Variants in RBM18 observed in about 807,000 individuals in gnomAD.
RBM18 encodes RNA binding motif protein 18, also known as probable RNA-binding protein 18.
A neutral mutation model predicts 26.4 loss-of-function variants in RBM18; 18 were observed. The ratio of observed to expected loss-of-function variants is 0.68; its 90% CI spans 0.47 to 1.01. RBM18 has a LOEUF of 1.01. Among genes scored for constraint, RBM18 ranks in the 50% least tolerant of loss-of-function variants. The pLI, the probability that RBM18 is intolerant of heterozygous loss-of-function variation, is 0.00. For missense variants in RBM18, 180 were observed against 219.2 expected (o/e 0.82, Z 1.13); for synonymous variants, 74 against 81.1 (o/e 0.91, Z 0.47).
intron 2 of RBM18, among the ~76,000 whole-genome samples, chr9:122,256,544 G>A (rs1453378195): frequency 1.3e-5 from 2 of 152,198 alleles, no homozygotes; most frequent in Non-Finnish European, 2.9e-5. Context: ...CTTTGTGGAT[G>A]GCACTTATAA....
At chr9:122,248,988 T>G (rs1831552518) in intron 3 of RBM18, among the ~76,000 whole-genome samples, 2 of 152,184 alleles carry the variant, frequency 1.3e-5, no homozygotes, top group Admixed American at 1.3e-4. Flanking sequence ...CACACAAAGC[T>G]AGAGTGACAG....
chr9:122,261,965 G>A (rs949543989), intron 1 of RBM18, among the ~76,000 whole-genome samples: 1 of 151,246 alleles, frequency 6.6e-6, no homozygotes, highest in African/African-American at 2.4e-5. Context: ...AGGCAATATA[G>A]CAAAGAGAAG....
chr9:122,244,146 A>G (rs1338482607), intron 5 of RBM18, among the ~76,000 whole-genome samples: 21 of 152,182 alleles, frequency 1.4e-4, no homozygotes, highest in Non-Finnish European at 2.4e-4. Context: ...ACGAAATAAA[A>G]AAAAAAAATC....
chr9:122,243,912 CAA>C (rs770351950), intron 5 of RBM18: 64 of 976,474 alleles, frequency 6.6e-5, no homozygotes, highest in Admixed American at 1.2e-4. Context: ...ATCTTGTAAA[CAA>C]GTGGCATATA....
chr9:122,240,611 G>C lies in RBM18; in HGVS notation c.*1273C>G, dbSNP rs539728627. 2.1e-4 allele frequency: 32 copies of C among 152,310 alleles called. No individual in the cohort carries two copies. Among genetic ancestry groups the C allele is most frequent in the African/African-American group, 7.5e-4 (31 of 41,568 alleles). The allele number at this position is 152,310 out of a possible 1,614,324, so 9.4% of individuals were successfully genotyped here. On this transcript the variant is annotated 3_prime_UTR_variant, in exon 6 of 6. Transcript: ENST00000417201. The stretch of plus-strand genomic sequence containing the variant: ...ATACATACCTGGTAAAGGAGCAAAG[G>C]TGCTGCCCAATTAAACAGTATGTCA...
rs1229446440 is a variant in RBM18 at position 122,239,135 on chromosome 9, T to G, written c.*2749A>C. 1 of 152,234 alleles carries G rather than the reference T, an allele frequency of 6.6e-6. No homozygotes were observed. Among genetic ancestry groups the G allele is most frequent in the Admixed American group, 6.5e-5 (1 of 15,294 alleles). The allele number at this position is 152,234 out of a possible 1,614,324, so 9.4% of individuals were successfully genotyped here. On this transcript the variant is annotated 3_prime_UTR_variant, in exon 6 of 6. Transcript: ENST00000417201. ...CAGATATATTTGTTGATTCAGAAAC[T>G]GTGCATATCTTAATAAACAAGAGAC...
chr9:122,257,003 C>G (rs1831707700), intron 2 of RBM18, among the ~76,000 whole-genome samples: 1 of 152,206 alleles, frequency 6.6e-6, no homozygotes, highest in South Asian at 2.1e-4. Flanking sequence ...ATCACTCCCT[C>G]AAATCCTAAT....
rs1486848345 is a variant in RBM18, at chr9:122,238,391, A to G, written c.*3493T>C. On this transcript the variant is annotated 3_prime_UTR_variant, in exon 6 of 6. Coordinates refer to ENST00000417201, the MANE Select transcript of RBM18 (RefSeq NM_033117.4). ...CTTTTGAGAAAATCGTGAGGAAAGG[A>G]TTGGAGAGTGACAGGTTGTAATTTT... 2.0e-5 allele frequency: 3 copies of G among 152,180 alleles called. No individual in the cohort carries two copies. The East Asian group carries it at 5.8e-4, about 29-fold the overall frequency. 9.4% of individuals were successfully genotyped at this position (152,180 alleles called of 1,614,324 possible).
intron 5 of RBM18, among the ~76,000 whole-genome samples, chr9:122,242,835 G>GT (rs925906338): frequency 3.9e-5 from 6 of 151,938 alleles, no homozygotes; most frequent in Middle Eastern, 3.4e-3. Flanking sequence ...ATTTGTTTTT[G>GT]TTTTTGTTTT....
In RBM18 at chr9:122,240,114, A is replaced by C. The variant is rs1005725500; in HGVS notation, c.*1770T>G. 6.6e-6 allele frequency: 1 copy of C among 152,232 alleles called. No individual in the cohort carries two copies. The highest frequency in any genetic ancestry group is 2.4e-5 in the African/African-American group (1 of 41,454). 9.4% of individuals were successfully genotyped at this position (152,232 alleles called of 1,614,324 possible). On this transcript the variant is annotated 3_prime_UTR_variant, in exon 6 of 6. Coordinates refer to ENST00000417201, the MANE Select transcript of RBM18 (RefSeq NM_033117.4). ...TCTGGTTTCTAAAGGAAACAACTCT[A>C]TATATAATTCTAAGTTTTTTCTAAG...
chr9:122,244,183 G>C (rs7024398), intron 5 of RBM18, among the ~76,000 whole-genome samples: 25 of 152,182 alleles, frequency 1.6e-4, no homozygotes, highest in African/African-American at 5.5e-4. Flanking sequence ...AATAACTATA[G>C]AATGAATTTA....
intron 5 of RBM18, among the ~76,000 whole-genome samples, chr9:122,244,684 AC>A (rs1366854231): frequency 3.0e-5 from 4 of 133,426 alleles, no homozygotes; most frequent in African/African-American, 9.9e-5. Flanking sequence ...ACAAAACAAA[AC>A]AAAAAACAAA....
chr9:122,262,689 T>G (rs1042566914), intron 1 of RBM18, among the ~76,000 whole-genome samples: 2 of 152,150 alleles, frequency 1.3e-5, no homozygotes, highest in Admixed American at 6.5e-5. Context: ...GTTCAAGCAA[T>G]TCTCATGCCT....
chr9:122,263,810 C>T (rs1385001842), intron 1 of RBM18, among the ~76,000 whole-genome samples: 1 of 152,144 alleles, frequency 6.6e-6, no homozygotes, highest in South Asian at 2.1e-4. Flanking sequence ...CGAAAAGGTA[C>T]CATGTTTTAC....
intron 5 of RBM18, among the ~76,000 whole-genome samples, chr9:122,244,293 C>T (rs1002756829): frequency 2.0e-5 from 3 of 152,118 alleles, no homozygotes; most frequent in East Asian, 1.9e-4. Context: ...AGATAATATA[C>T]AAGAAAGGCA....
chr9:122,258,908 C>CA (rs11453707), intron 2 of RBM18, among the ~76,000 whole-genome samples: 64,462 of 109,214 alleles, frequency 0.59, 18,326 homozygotes, highest in Admixed American at 0.67. Flanking sequence ...ACAGAGCTGT[C>CA]AAAAAAAAAA....
At chr9:122,254,443 G>T in intron 2 of RBM18, 1 of 222,076 alleles carries the variant, frequency 4.5e-6, no homozygotes, top group Non-Finnish European at 7.6e-6. Flanking sequence ...AGTGAAAAAA[G>T]CCTGAAGGAT....
Position 122,239,972 on chromosome 9 carries a change from T to C in RBM18, c.*1912A>G, listed in dbSNP as rs918900002. 1 of 152,212 alleles carries C rather than the reference T, an allele frequency of 6.6e-6. No homozygotes were observed. Among genetic ancestry groups the C allele is most frequent in the Non-Finnish European group, 1.5e-5 (1 of 68,042 alleles). The allele number at this position is 152,212 out of a possible 1,614,324, so 9.4% of individuals were successfully genotyped here. A position where few individuals can be genotyped will look rare whatever the true frequency, so the allele number is the denominator to read the frequency against. On this transcript the variant is annotated 3_prime_UTR_variant, in exon 6 of 6. Coordinates refer to ENST00000417201, the MANE Select transcript of RBM18 (RefSeq NM_033117.4). ...AAGCCTGTCAGAGAACTGCAGTCTA[T>C]GCCAGTAAGTGAACGAGAGAAGATA...
chr9:122,262,423 A>G (rs1831814208), intron 1 of RBM18, among the ~76,000 whole-genome samples: 2 of 131,918 alleles, frequency 1.5e-5, no homozygotes, highest in South Asian at 4.2e-4. Flanking sequence ...GGAAGCATTC[A>G]ATTAATGTTA....
Sources: allele counts gnomAD v4.1 joint callset (sites outside exome capture counted in the v4.1 genomes callset), GRCh38; gene constraint gnomAD v4.1.1; transcripts MANE v1.5; gene names NCBI Gene and HGNC (gene_info 2026-07-23, HGNC 2026-07-21).